The following WDR27 variants were observed in gnomAD, a reference collection of about 807,000 sequenced individuals.
WDR27 encodes WD repeat domain 27.
A neutral mutation model predicts 114.4 loss-of-function variants in WDR27; 100 were observed. The observed-to-expected ratio is 0.87, with a 90% CI of 0.74 to 1.03. The LOEUF is 1.03. Ranked by LOEUF, WDR27 falls within the 50% of genes least tolerant of loss-of-function variation. The pLI is 0.00. For missense variants in WDR27, 1,129 were observed against 1,092.9 expected, an observed-to-expected ratio of 1.03 and a Z score of -0.47; for synonymous variants, 449 against 423.1, an observed-to-expected ratio of 1.06 and a Z score of -0.75.
Position 169,701,826 on chromosome 6 carries a change from C to T in WDR27, c.-283G>A. Reference sequence around the variant, plus strand: ...GAGCCGCGAGCAACCGCGCAGCCCCCGCGCTCCAGCCCTGCGCCCTAGGCA... The same window carrying T: ...GAGCCGCGAGCAACCGCGCAGCCCCTGCGCTCCAGCCCTGCGCCCTAGGCA... On this transcript the variant is annotated 5_prime_UTR_variant, in exon 1 of 26. Transcript: ENST00000448612. 1 of 296,026 alleles carries T rather than the reference C, an allele frequency of 3.4e-6. No homozygotes were observed. The highest frequency in any genetic ancestry group is 2.6e-5 in the South Asian group (1 of 37,890). 18.3% of individuals were successfully genotyped at this position (296,026 alleles called of 1,614,324 possible).
At chr6:169,679,410 T>G (rs1780889221) in intron 2 of WDR27, among the ~76,000 whole-genome samples, 1 of 152,222 alleles carries the variant, frequency 6.6e-6, no homozygotes, top group Admixed American at 6.5e-5. Flanking sequence ...GGACATAAAA[T>G]GTAGGGGACC....
chr6:169,561,154 T>C (rs1408777144), intron 25 of WDR27, among the ~76,000 whole-genome samples: 1 of 152,080 alleles, frequency 6.6e-6, no homozygotes, highest in Non-Finnish European at 1.5e-5. Context: ...AGGATGAAGG[T>C]GCTGGCAGTG....
intron 21 of WDR27, among the ~76,000 whole-genome samples, chr6:169,627,583 C>T (rs567314479): frequency 2.6e-5 from 4 of 152,182 alleles, no homozygotes; most frequent in Non-Finnish European, 5.9e-5. Flanking sequence ...CTGAGGCTCC[C>T]GAGGCGAGCC....
At chr6:169,456,573 T>C (rs937701839), downstream of WDR27, among the ~76,000 whole-genome samples, 2 of 152,068 alleles carry the variant, frequency 1.3e-5, no homozygotes, top group East Asian at 3.9e-4. The surrounding 1 kb of genome is among the most constrained non-coding windows in gnomAD (Gnocchi z 4.0). Context: ...GGTCCTGGGA[T>C]CTTAGGAGTC....
At position 169,659,587 on chromosome 6, in the gene WDR27, C is replaced by T. The variant is rs145059798; in HGVS notation, c.1130-69G>A. The stretch of plus-strand genomic sequence containing the variant: ...GTAGCACATACACACGGAGTCACTG[C>T]CCAGAGCCCACCACACACAGCCCAG... On this transcript the variant is annotated intron_variant, in intron 10 of 25. Transcript: ENST00000448612. The surrounding 1 kb of genome is among the most constrained non-coding windows in gnomAD (Gnocchi z 4.3). 5.1e-4 allele frequency: 744 copies of T among 1,460,434 alleles called. 8 individuals are homozygous for T. The African/African-American group carries it at 9.4e-3, about 19-fold the overall frequency. 90.5% of individuals were successfully genotyped at this position (1,460,434 alleles called of 1,614,324 possible). A position where few individuals can be genotyped will look rare whatever the true frequency, so the allele number is the denominator to read the frequency against.
chr6:169,531,782 T>C (rs1474300845), intron 25 of WDR27, among the ~76,000 whole-genome samples: 1 of 151,892 alleles, frequency 6.6e-6, no homozygotes, highest in Non-Finnish European at 1.5e-5. Flanking sequence ...GCCTCCCAAG[T>C]AGCTGGGATT....
At chr6:169,476,171 C>T (rs1167402581) in intron 25 of WDR27, among the ~76,000 whole-genome samples, 1 of 152,094 alleles carries the variant, frequency 6.6e-6, no homozygotes, top group African/African-American at 2.4e-5. Flanking sequence ...GCCTTTGGAA[C>T]ACCAAGCTCT....
intron 21 of WDR27, among the ~76,000 whole-genome samples, chr6:169,625,826 G>C (rs538225666): frequency 1.3e-5 from 2 of 152,304 alleles, no homozygotes; most frequent in South Asian, 4.1e-4. Context: ...TCTGAGACCA[G>C]AGCCCGCCTC....
chr6:169,535,991 A>G (rs1216861707), intron 25 of WDR27, among the ~76,000 whole-genome samples: 1 of 152,220 alleles, frequency 6.6e-6, no homozygotes, highest in Non-Finnish European at 1.5e-5. Context: ...ATTAAAACCA[A>G]TAACTACACA....
chr6:169,627,485 C>T (rs1815144784), intron 21 of WDR27, among the ~76,000 whole-genome samples: 1 of 152,174 alleles, frequency 6.6e-6, no homozygotes, highest in Non-Finnish European at 1.5e-5. Flanking sequence ...GCCAAAATGA[C>T]ATCAGCACTA....
chr6:169,638,793 G>T, intron 17 of WDR27, 133 bp from the exon 18 acceptor site: 2 of 1,067,802 alleles, frequency 1.9e-6, no homozygotes, highest in Non-Finnish European at 2.7e-6. Context: ...GCGCCAGGAG[G>T]CTTCTCCTCG....
At chr6:169,515,344 G>A (rs1459636722) in intron 25 of WDR27, among the ~76,000 whole-genome samples, 6 of 152,138 alleles carry the variant, frequency 3.9e-5, no homozygotes, top group Non-Finnish European at 7.4e-5. Flanking sequence ...TAGGCTTTAG[G>A]AATGTGTGCC....
At chr6:169,535,228 T>C (rs1796075505) in intron 25 of WDR27, among the ~76,000 whole-genome samples, 2 of 152,184 alleles carry the variant, frequency 1.3e-5, no homozygotes, top group African/African-American at 4.8e-5. Context: ...TACCTAACAG[T>C]AGAGTAAACA....
the WDR27 span, among the ~76,000 whole-genome samples, chr6:169,446,121 C>T: frequency 9.9e-3 from 1,515 of 152,344 alleles, 24 homozygotes; most frequent in African/African-American, 0.035. Flanking sequence ...GGACGGAGGG[C>T]GAGCACTCGG....
chr6:169,568,207 A>C (rs1008260356), intron 25 of WDR27, among the ~76,000 whole-genome samples: 2 of 152,280 alleles, frequency 1.3e-5, no homozygotes, highest in Middle Eastern at 6.8e-3. Context: ...AAGAGGCAGA[A>C]GGTGAGTCCC....
intron 25 of WDR27, among the ~76,000 whole-genome samples, chr6:169,473,853 C>G (rs1318209177): frequency 6.6e-6 from 1 of 152,176 alleles, no homozygotes; most frequent in Non-Finnish European, 1.5e-5. Flanking sequence ...AATGAGCAAG[C>G]AAAACAAACA....
At chr6:169,680,506 C>T (rs1044846283) in intron 2 of WDR27, among the ~76,000 whole-genome samples, 23 of 152,128 alleles carry the variant, frequency 1.5e-4, no homozygotes, top group South Asian at 2.1e-4. Flanking sequence ...GACGTGAACC[C>T]GGGAGGCGGA....
At chr6:169,446,187 G>A in the WDR27 span, among the ~76,000 whole-genome samples, 3 of 152,350 alleles carry the variant, frequency 2.0e-5, no homozygotes, top group East Asian at 1.9e-4. Context: ...CGTGCAGCAC[G>A]AGCTGGGGGA....
chr6:169,600,217 C>A (rs1415768273), intron 23 of WDR27, among the ~76,000 whole-genome samples: 1 of 152,056 alleles, frequency 6.6e-6, no homozygotes, highest in Non-Finnish European at 1.5e-5. Flanking sequence ...ATGGTGTGGA[C>A]CTCCAGCAAA....
Sources: gnomAD v4.1 joint callset for allele counts (sites outside exome capture counted in the v4.1 genomes callset) on GRCh38, gnomAD v4.1.1 for gene constraint, Gnocchi (gnomAD v3.1) non-coding constraint, MANE v1.5 for transcripts, NCBI Gene and HGNC (gene_info 2026-07-23, HGNC 2026-07-21) for gene names.